PCDH15: variants seen among roughly 807,000 people sequenced by gnomAD.
PCDH15 encodes protocadherin-15.
A neutral mutation model predicts 178.5 loss-of-function variants in PCDH15; 129 were observed. That is an observed-to-expected ratio of 0.72 (90% CI 0.63 to 0.84). The LOEUF (loss-of-function observed/expected upper bound fraction) is 0.84. Among genes scored for constraint, PCDH15 ranks in the 40% least tolerant of loss-of-function variants. The probability of loss-of-function intolerance (pLI) is 0.00; values close to 1 mark genes in which losing one functional copy is unlikely to be tolerated. For synonymous variants in PCDH15, 800 were observed against 732.0 expected, an observed-to-expected ratio of 1.09 and a Z score of -1.50; for missense variants, 2,230 against 2,099.9, an observed-to-expected ratio of 1.06 and a Z score of -1.21.
At chr10:53,837,874 A>G (rs1435691789) in intron 29 of PCDH15, among the ~76,000 whole-genome samples, 1 of 152,056 alleles carries the variant, frequency 6.6e-6, no homozygotes, top group East Asian at 1.9e-4. Context: ...TAAGCTTACT[A>G]TAATACTTCA....
At chr10:54,969,521 T>C (rs1269196007) in intron 2 of PCDH15, among the ~76,000 whole-genome samples, 2 of 152,210 alleles carry the variant, frequency 1.3e-5, no homozygotes, top group Non-Finnish European at 2.9e-5. Flanking sequence ...TAGATGTCTG[T>C]GCCAATCAAC....
At chr10:55,614,104 A>G (rs1843427299) in intron 2 of PCDH15, among the ~76,000 whole-genome samples, 1 of 101,256 alleles carries the variant, frequency 9.9e-6, no homozygotes, top group South Asian at 4.0e-4. Context: ...ACAGAGCCAG[A>G]CTCCATCTCA....
At chr10:55,145,850 G>T (rs1023053110) in intron 2 of PCDH15, among the ~76,000 whole-genome samples, 1 of 146,292 alleles carries the variant, frequency 6.8e-6, no homozygotes, top group Admixed American at 7.2e-5. Context: ...AAATAATCCA[G>T]TTAAGTACTT....
chr10:54,011,833 A>C (rs1281153188), intron 20 of PCDH15, among the ~76,000 whole-genome samples: 1 of 152,228 alleles, frequency 6.6e-6, no homozygotes, highest in Non-Finnish European at 1.5e-5. Flanking sequence ...CAGCGAACAC[A>C]GATGAGAAAG....
At chr10:54,537,032 T>A (rs1758822) in intron 2 of PCDH15, among the ~76,000 whole-genome samples, 3 of 133,766 alleles carry the variant, frequency 2.2e-5, no homozygotes, top group Non-Finnish European at 4.6e-5. Flanking sequence ...ACGGCGTCTC[T>A]CTCTCGCCCA....
intron 8 of PCDH15, among the ~76,000 whole-genome samples, chr10:54,264,866 A>G (rs1564820481): frequency 6.6e-6 from 1 of 152,180 alleles, no homozygotes; most frequent in Non-Finnish European, 1.5e-5. Context: ...AATATTCTCA[A>G]TTTTGTTAGA....
intron 3 of PCDH15, among the ~76,000 whole-genome samples, chr10:54,829,145 T>C (rs1323165640): frequency 1.3e-5 from 2 of 151,968 alleles, no homozygotes; most frequent in African/African-American, 4.8e-5. Context: ...ACCTCAAGTG[T>C]GATGAATAGG....
At chr10:55,240,545 T>C (rs1841514521) in intron 1 of PCDH15, among the ~76,000 whole-genome samples, 1 of 152,188 alleles carries the variant, frequency 6.6e-6, no homozygotes, top group Non-Finnish European at 1.5e-5. Flanking sequence ...CCTTCTTCCA[T>C]GCTTAGATGA....
chr10:54,716,190 A>T (rs1353019534), intron 1 of PCDH15, among the ~76,000 whole-genome samples: 1 of 152,114 alleles, frequency 6.6e-6, no homozygotes, highest in Non-Finnish European at 1.5e-5. Flanking sequence ...ATCTTTCCTA[A>T]GGAGGAAGGT....
chr10:54,579,673 A>G (rs528046161), intron 2 of PCDH15, among the ~76,000 whole-genome samples: 77 of 152,128 alleles, frequency 5.1e-4, no homozygotes, highest in African/African-American at 1.8e-3. Flanking sequence ...CAACCACAGA[A>G]TATACATTCC....
At chr10:55,602,210 T>C (rs1843100492) in intron 2 of PCDH15, among the ~76,000 whole-genome samples, 1 of 152,262 alleles carries the variant, frequency 6.6e-6, no homozygotes, top group East Asian at 1.9e-4. Context: ...CACGAGATTA[T>C]ACCCCGCACC....
intron 28 of PCDH15, among the ~76,000 whole-genome samples, chr10:53,844,909 A>G (rs918907981): frequency 6.6e-6 from 1 of 151,974 alleles, no homozygotes; most frequent in Admixed American, 6.6e-5. Context: ...AAAAGCTTTT[A>G]CACAGCAAAT....
chr10:54,318,945 G>T (rs2133692047), intron 7 of PCDH15, among the ~76,000 whole-genome samples: 1 of 152,116 alleles, frequency 6.6e-6, no homozygotes, highest in African/African-American at 2.4e-5. Context: ...AATCATGATG[G>T]ACAGCACACA....
chr10:53,978,434 C>T (rs374680931), intron 21 of PCDH15, among the ~76,000 whole-genome samples: 2 of 152,100 alleles, frequency 1.3e-5, no homozygotes, highest in Non-Finnish European at 2.9e-5. Flanking sequence ...GGCTAGGATG[C>T]AGGGAACCAA....
intron 1 of PCDH15, among the ~76,000 whole-genome samples, chr10:55,297,025 A>G (rs1843149500): frequency 6.6e-6 from 1 of 152,176 alleles, no homozygotes; most frequent in Non-Finnish European, 1.5e-5. Context: ...AATGAATATT[A>G]AATAGCTACT....
chr10:55,418,267 C>A (rs576187537), intron 2 of PCDH15, among the ~76,000 whole-genome samples: 1 of 151,684 alleles, frequency 6.6e-6, no homozygotes, highest in South Asian at 2.1e-4. Flanking sequence ...CAGAATGTAA[C>A]TGTTAACAAC....
At chr10:54,047,390 C>CT (rs35511606) in intron 18 of PCDH15, among the ~76,000 whole-genome samples, 49 of 144,856 alleles carry the variant, frequency 3.4e-4, no homozygotes, top group East Asian at 1.4e-3. Context: ...GTGATAATCA[C>CT]TTTTTTTTTT....
intron 8 of PCDH15, among the ~76,000 whole-genome samples, chr10:54,282,034 T>C (rs1000606283): frequency 3.7e-4 from 56 of 152,234 alleles, no homozygotes; most frequent in Non-Finnish European, 7.4e-4. Context: ...GTTGACTTTG[T>C]GCTCTTTGAC....
At position 54,226,603 on chromosome 10, in the gene PCDH15, C is replaced by T. The variant is rs548664097; in HGVS notation, c.985+10220G>A. On this transcript the variant is annotated intron_variant, in intron 9 of 37. Transcript: ENST00000644397. ...CTTGACCTCTCCCAAATCTCACATC[C>T]TCACATTTCAAAACAATTCATGCCT... Among the ~76,000 whole-genome samples, 7 of 152,164 alleles carry T rather than the reference C, an allele frequency of 4.6e-5. No homozygotes were observed. The South Asian group carries it at 1.0e-3, about 22-fold the overall frequency.
Sources: gnomAD v4.1 joint callset for allele counts (sites outside exome capture counted in the v4.1 genomes callset) on GRCh38, gnomAD v4.1.1 for gene constraint, MANE v1.5 for transcripts, NCBI Gene and HGNC (gene_info 2026-07-23, HGNC 2026-07-21) for gene names.